RALGAPA2: variants seen among roughly 807,000 people sequenced by gnomAD.
RALGAPA2 encodes ral GTPase-activating protein subunit alpha-2.
In RALGAPA2, 139 loss-of-function variants were observed where a neutral mutation model predicts 230.4. That is an observed-to-expected ratio of 0.60 (90% CI 0.53 to 0.69). RALGAPA2 has a LOEUF of 0.69. RALGAPA2 is among the 30% of genes least tolerant of loss of function. RALGAPA2 has a pLI of 0.00. For synonymous variants in RALGAPA2, 847 were observed against 837.8 expected, an observed-to-expected ratio of 1.01 and a Z score of -0.19; for missense variants, 2,163 against 2,276.0, an observed-to-expected ratio of 0.95 and a Z score of 1.01.
chr20:20,493,803 T>C (rs935611883), intron 36 of RALGAPA2, among the ~76,000 whole-genome samples: 3 of 152,190 alleles, frequency 2.0e-5, no homozygotes, highest in African/African-American at 7.2e-5. Context: ...GCCATTTTCA[T>C]ACACAAAACT....
Position 20,395,482 on chromosome 20 carries a change from A to G in RALGAPA2, c.*35+1213T>C, listed in dbSNP as rs560817831. On this transcript the variant is annotated intron_variant, in intron 39 of 39. Transcript: ENST00000202677. ...ACCTCCCCACTTTGGCGGCAGGAGC[A>G]GGAGGACATGCATGGAGACGGGGGT... 1.2e-3 allele frequency among the ~76,000 whole-genome samples: 178 copies of G among 152,350 alleles called. 1 individual carries two copies. The highest frequency in any genetic ancestry group is 3.9e-3 in the African/African-American group (163 of 41,592).
At chr20:20,511,877 T>C (rs2062713806) in intron 32 of RALGAPA2, among the ~76,000 whole-genome samples, 1 of 152,174 alleles carries the variant, frequency 6.6e-6, no homozygotes, top group South Asian at 2.1e-4. Flanking sequence ...GAAACAATAA[T>C]GGACAAAGCA....
chr20:20,604,547 C>G (rs1339048677), intron 15 of RALGAPA2, among the ~76,000 whole-genome samples: 4 of 152,178 alleles, frequency 2.6e-5, no homozygotes, highest in Non-Finnish European at 4.4e-5. Context: ...AACTATGTGG[C>G]CTTGGATGAG....
At chr20:20,506,993 G>A (rs576412421) in intron 33 of RALGAPA2, among the ~76,000 whole-genome samples, 11 of 152,286 alleles carry the variant, frequency 7.2e-5, no homozygotes, top group South Asian at 4.1e-4. Context: ...CAGTTTCAAC[G>A]GATAAGCAAA....
intron 34 of RALGAPA2, among the ~76,000 whole-genome samples, chr20:20,503,893 C>G (rs1361181240): frequency 2.0e-5 from 3 of 152,112 alleles, no homozygotes; most frequent in Non-Finnish European, 4.4e-5. Context: ...GAGTGTTTTT[C>G]TAAGATGTTG....
rs2060563964 is a variant in RALGAPA2 at position 20,434,370 on chromosome 20, A to C, written c.5496-22222T>G. Among the ~76,000 whole-genome samples, 4 of 152,216 alleles carry C rather than the reference A, an allele frequency of 2.6e-5. No homozygotes were observed. In the South Asian group the frequency reaches 8.3e-4, roughly 32 times the overall value. ...AAATTAATAAGTTCAAAGCCTGATG[A>C]GATGGAAAAGGTTGTAAAAAGCACC... On this transcript the variant is annotated intron_variant, in intron 37 of 39. Coordinates refer to ENST00000202677, the MANE Select transcript of RALGAPA2 (RefSeq NM_020343.4).
chr20:20,441,804 C>T (rs2060747816), intron 37 of RALGAPA2, among the ~76,000 whole-genome samples: 1 of 152,176 alleles, frequency 6.6e-6, no homozygotes, highest in African/African-American at 2.4e-5. Flanking sequence ...CATTTTAAAA[C>T]AGGATTTTTC....
rs1356713444 is a variant in RALGAPA2 at position 20,412,142 on chromosome 20, TTC to T, written c.5500_5501del (p.Glu1834ArgfsTer59). The T allele has an allele frequency of 6.2e-7, 1 of 1,613,906 alleles. No individual in the cohort carries two copies. Among genetic ancestry groups the T allele is most frequent in the Non-Finnish European group, 8.5e-7 (1 of 1,179,814 alleles). ...CLIPLYQSFY[E>X]ERALYLEAII... The stretch of plus-strand genomic sequence containing the variant: ...TTGCTTCGAGATACAGAGCTCGCTC[TTC>T]ATAGCTGCGGTAATCGGTTAAGGAA... On this transcript the variant is annotated frameshift_variant, in exon 38 of 40. Transcript: ENST00000202677. LOFTEE classifies it high-confidence loss of function.
At chr20:20,600,116 G>A (rs375525470) in intron 16 of RALGAPA2, among the ~76,000 whole-genome samples, 1 of 151,690 alleles carries the variant, frequency 6.6e-6, no homozygotes, top group East Asian at 1.9e-4. Flanking sequence ...CCAACATGGC[G>A]AAACCCCGTC....
intron 36 of RALGAPA2, among the ~76,000 whole-genome samples, chr20:20,480,768 C>T (rs975514534): frequency 6.6e-6 from 1 of 152,198 alleles, no homozygotes; most frequent in African/African-American, 2.4e-5. Context: ...TGGAAGACAA[C>T]ATCAAGTATC....
chr20:20,657,571 G>A (rs1487588133), intron 3 of RALGAPA2, among the ~76,000 whole-genome samples: 1 of 152,186 alleles, frequency 6.6e-6, no homozygotes, highest in Non-Finnish European at 1.5e-5. Context: ...TTCTCTACTG[G>A]CAGTTTCTCA....
At chr20:20,464,944 A>C (rs1291309471) in intron 37 of RALGAPA2, among the ~76,000 whole-genome samples, 2 of 152,194 alleles carry the variant, frequency 1.3e-5, no homozygotes, top group African/African-American at 4.8e-5. Flanking sequence ...ACATTCAAAA[A>C]TGGAAAAGAG....
chr20:20,560,364 C>T (rs2064220707), intron 23 of RALGAPA2, among the ~76,000 whole-genome samples: 1 of 152,066 alleles, frequency 6.6e-6, no homozygotes, highest in Non-Finnish European at 1.5e-5. Context: ...ATATTTTTTC[C>T]ATGGGAGAAC....
intron 23 of RALGAPA2, among the ~76,000 whole-genome samples, chr20:20,570,421 C>T (rs369798320): frequency 3.9e-5 from 6 of 152,138 alleles, no homozygotes; most frequent in East Asian, 1.9e-4. Context: ...ATACCTTCAA[C>T]GAATACAAAA....
chr20:20,532,495 C>A (rs2063391647), intron 26 of RALGAPA2, among the ~76,000 whole-genome samples: 1 of 152,112 alleles, frequency 6.6e-6, no homozygotes. Context: ...AATTTCTGAA[C>A]TGAAAACCTG....
intron 1 of RALGAPA2, among the ~76,000 whole-genome samples, chr20:20,682,740 T>C (rs1199964338): frequency 1.3e-5 from 2 of 152,230 alleles, no homozygotes; most frequent in African/African-American, 4.8e-5. Context: ...AGCACAATAT[T>C]TAGTTCAATA....
At chr20:20,609,975 C>T (rs548460928) in intron 14 of RALGAPA2, among the ~76,000 whole-genome samples, 1 of 152,208 alleles carries the variant, frequency 6.6e-6, no homozygotes, top group Non-Finnish European at 1.5e-5. Context: ...CATTTTTTAT[C>T]AAGCCAAGAG....
At chr20:20,501,609 C>T (rs548404837) in intron 35 of RALGAPA2, among the ~76,000 whole-genome samples, 309 of 152,304 alleles carry the variant, frequency 2.0e-3, no homozygotes, top group Non-Finnish European at 3.7e-3. Context: ...AAGGCTATTT[C>T]GTTTTCTTTA....
chr20:20,706,446 C>G (rs2069608121), intron 1 of RALGAPA2, among the ~76,000 whole-genome samples: 2 of 152,184 alleles, frequency 1.3e-5, no homozygotes, highest in Non-Finnish European at 2.9e-5. Flanking sequence ...GAAATTACAC[C>G]TCCCAGCTTT....
Sources: allele counts gnomAD v4.1 joint callset (sites outside exome capture counted in the v4.1 genomes callset), GRCh38; gene constraint gnomAD v4.1.1; transcripts MANE v1.5; gene names NCBI Gene and HGNC (gene_info 2026-07-23, HGNC 2026-07-21).